The following ATP2A1 variants were observed in gnomAD, a reference collection of about 807,000 sequenced individuals.
The protein encoded by ATP2A1 is sarcoplasmic/endoplasmic reticulum calcium ATPase 1.
ATP2A1 carries 83 observed loss-of-function variants against 109.5 expected under a neutral mutation model. That is an observed-to-expected ratio of 0.76 (90% CI 0.63 to 0.91). The LOEUF is 0.91. Among genes scored for constraint, ATP2A1 ranks in the 40% least tolerant of loss-of-function variants. The probability of loss-of-function intolerance (pLI) is 0.00; values close to 1 mark genes in which losing one functional copy is unlikely to be tolerated. For missense variants in ATP2A1, 1,101 were observed against 1,341.0 expected, an observed-to-expected ratio of 0.82 and a Z score of 2.80; for synonymous variants, 505 against 537.6, an observed-to-expected ratio of 0.94 and a Z score of 0.84.
Position 28,880,747 on chromosome 16 carries a change from G to A in ATP2A1, c.220-168G>A, listed in dbSNP as rs1407172310. Among the ~76,000 whole-genome samples the A allele has an allele frequency of 6.6e-6, 1 of 152,242 alleles. No homozygotes were observed. The highest frequency in any genetic ancestry group is 2.4e-5 in the African/African-American group (1 of 41,460). On this transcript the variant is annotated intron_variant, in intron 3 of 22. Transcript: ENST00000395503. This position sits in a 1 kb window ranked among gnomAD's most constrained non-coding sequence, Gnocchi z 4.2. ...GGCGGTGGCAGGACCTGCAGTGGAT[G>A]GACAGACCCTCAGACGGATGTGGGG...
chr16:28,902,418 C>T lies in ATP2A1; in HGVS notation c.2524+32C>T. On this transcript the variant is annotated intron_variant, in intron 17 of 22. Coordinates refer to ENST00000395503, the MANE Select transcript of ATP2A1 (RefSeq NM_004320.6). The surrounding 1 kb of genome is among the most constrained non-coding windows in gnomAD (Gnocchi z 4.8). ...TGGAGGGGTTCCTCGATCCTCCCCA[C>T]CCCTTGGGACTAACCCCCTCTCTGG... The T allele has an allele frequency of 6.2e-7, 1 of 1,609,478 alleles. No homozygotes were observed. Among genetic ancestry groups the T allele is most frequent in the Non-Finnish European group, 8.5e-7 (1 of 1,176,634 alleles).
chr16:28,903,863 C>A lies in ATP2A1; in HGVS notation c.*37+122C>A. The A allele has an allele frequency of 2.1e-6, 2 of 953,538 alleles. No individual in the cohort carries two copies. Among genetic ancestry groups the A allele is most frequent in the Non-Finnish European group, 1.7e-6 (1 of 597,376 alleles). The allele number at this position is 953,538 out of a possible 1,614,324, so 59.1% of individuals were successfully genotyped here. A position where few individuals can be genotyped will look rare whatever the true frequency, so the allele number is the denominator to read the frequency against. On this transcript the variant is annotated intron_variant, in intron 22 of 22. Coordinates refer to ENST00000395503, the MANE Select transcript of ATP2A1 (RefSeq NM_004320.6). This position sits in a 1 kb window ranked among gnomAD's most constrained non-coding sequence, Gnocchi z 5.6. ...GCAGCTCCACCTGGAGCCGTTGCCA[C>A]TGCTGCTGCTGCGCTTCCAGTCAGG...
chr16:28,879,095 G>T lies in ATP2A1; in HGVS notation c.119-4G>T. On this transcript the variant is annotated splice_polypyrimidine_tract_variant and splice_region_variant and intron_variant, in intron 1 of 22. Coordinates refer to ENST00000395503, the MANE Select transcript of ATP2A1 (RefSeq NM_004320.6). ...TCTGTCCTTTTCTTCTTTTTCCTGG[G>T]TAGAGCTCCCTGCTGAGGAAGGTAA... is the stretch of plus-strand genomic sequence containing the variant. The T allele has an allele frequency of 6.2e-7, 1 of 1,614,038 alleles. No individual in the cohort carries two copies. Among genetic ancestry groups the T allele is most frequent in the Non-Finnish European group, 8.5e-7 (1 of 1,179,984 alleles).
intron 7 of ATP2A1, 53 bp downstream of exon 7, chr16:28,887,327 T>C (rs546548161): frequency 8.7e-6 from 14 of 1,611,258 alleles, no homozygotes; most frequent in Non-Finnish European, 1.1e-5. Context: ...GGTGCCCGGG[T>C]TGGAGAGAAA....
At position 28,880,809 on chromosome 16, in the gene ATP2A1, C is replaced by T. The variant is rs1567478853; in HGVS notation, c.220-106C>T. The T allele has an allele frequency of 8.9e-7, 1 of 1,127,118 alleles. No individual in the cohort carries two copies. Among genetic ancestry groups the T allele is most frequent in the Non-Finnish European group, 1.3e-6 (1 of 743,174 alleles). The allele number at this position is 1,127,118 out of a possible 1,614,324, so 69.8% of individuals were successfully genotyped here. ...CGACGGTGCCCGGCCCTCCTGCTGG[C>T]TCCTGCACTCTCCTGCACAGTTCTC... On this transcript the variant is annotated intron_variant, in intron 3 of 22. Coordinates refer to ENST00000395503, the MANE Select transcript of ATP2A1 (RefSeq NM_004320.6). The surrounding 1 kb of genome is among the most constrained non-coding windows in gnomAD (Gnocchi z 4.2).
In ATP2A1 at chr16:28,903,072, G is replaced by A. The variant is rs1410478970; in HGVS notation, c.2787G>A (p.Val929=). ...NQSLLRMPPW[V]NIWLLGSICL... The stretch of plus-strand genomic sequence containing the variant: ...CCCTGCTGCGGATGCCACCCTGGGT[G>A]AACATCTGGCTGCTGGGCTCCATCT... Residue 929 remains valine (V), a synonymous_variant, in exon 20 of 23, where the codon GTG becomes GTA. Transcript: ENST00000395503. The surrounding 1 kb of genome is among the most constrained non-coding windows in gnomAD (Gnocchi z 5.6). 3 of 1,613,670 alleles carry A rather than the reference G, an allele frequency of 1.9e-6. No homozygotes were observed. Among genetic ancestry groups the A allele is most frequent in the East Asian group, 2.2e-5 (1 of 44,880 alleles).
intron 3 of ATP2A1, 111 bp downstream of exon 3, chr16:28,879,694 G>T (rs1201963068): frequency 4.2e-5 from 53 of 1,272,670 alleles, no homozygotes; most frequent in Non-Finnish European, 5.9e-5. Context: ...GCATCCCATT[G>T]TACAGACGGG....
intron 5 of ATP2A1, among the ~76,000 whole-genome samples, chr16:28,884,357 C>T (rs1304309157): frequency 2.0e-5 from 3 of 152,164 alleles, no homozygotes; most frequent in Admixed American, 6.5e-5. Context: ...GAGCGAGACT[C>T]CATCTCGCCG....
intron 14 of ATP2A1, among the ~76,000 whole-genome samples, chr16:28,899,938 G>A (rs1028636012): frequency 1.3e-5 from 2 of 150,130 alleles, no homozygotes; most frequent in African/African-American, 4.9e-5. Flanking sequence ...GCACTCCAGC[G>A]TGGGTGACAG....
chr16:28,893,235 A>AG lies in ATP2A1; in HGVS notation c.1096-920_1096-919insG, dbSNP rs1354213959. On this transcript the variant is annotated intron_variant, in intron 9 of 22. Transcript: ENST00000395503. The stretch of plus-strand genomic sequence containing the variant: ...CCAATTTCTACCAAAAAAAAAAAAA[A>AG]AGAGAGAGAGAGAGAGCAAGAGAGA... 5.0e-3 allele frequency among the ~76,000 whole-genome samples: 747 copies of AG among 148,928 alleles called. 6 individuals are homozygous for AG. The highest frequency in any genetic ancestry group is 0.021 in the Middle Eastern group (6 of 286).
chr16:28,880,793 C>T lies in ATP2A1; in HGVS notation c.220-122C>T. ...TGGGGCCACAGCGCCCCGACGGTGC[C>T]CGGCCCTCCTGCTGGCTCCTGCACT... is the stretch of plus-strand genomic sequence containing the variant. On this transcript the variant is annotated intron_variant, in intron 3 of 22. Coordinates refer to ENST00000395503, the MANE Select transcript of ATP2A1 (RefSeq NM_004320.6). The surrounding 1 kb of genome is among the most constrained non-coding windows in gnomAD (Gnocchi z 4.2). 1 of 968,030 alleles carries T rather than the reference C, an allele frequency of 1.0e-6. No individual in the cohort carries two copies. The highest frequency in any genetic ancestry group is 1.6e-6 in the Non-Finnish European group (1 of 606,126). 60.0% of individuals were successfully genotyped at this position (968,030 alleles called of 1,614,324 possible).
chr16:28,878,865 C>G (rs1437213566), intron 1 of ATP2A1, 76 bp downstream of exon 1: 5 of 1,486,404 alleles, frequency 3.4e-6, no homozygotes, highest in Admixed American at 3.3e-5. Context: ...CGCATGCACG[C>G]GTTTCTCCCT....
Position 28,902,330 on chromosome 16 carries a change from G to T in ATP2A1, c.2468G>T (p.Ser823Ile). The T allele has an allele frequency of 1.2e-6, 2 of 1,614,014 alleles. No homozygotes were observed. Among genetic ancestry groups the T allele is most frequent in the Non-Finnish European group, 1.7e-6 (2 of 1,179,978 alleles). ...DLDIMDRPPR[S>I]PKEPLISGWL... ...GACATCATGGACCGCCCCCCCCGGA[G>T]CCCCAAGGAGCCCCTCATCAGTGGC... Residue 823 changes from serine (S) to isoleucine (I), a missense_variant, in exon 17 of 23, where the codon AGC becomes ATC. Ser to Ile is a moderately radical substitution (Grantham distance 142, BLOSUM62 -2). Transcript: ENST00000395503. This position sits in a 1 kb window ranked among gnomAD's most constrained non-coding sequence, Gnocchi z 4.8.
In ATP2A1 at chr16:28,902,999, T is replaced by G. The variant is rs1250872652; in HGVS notation, c.2745-31T>G. 2 of 1,612,928 alleles carry G rather than the reference T, an allele frequency of 1.2e-6. No individual in the cohort carries two copies. The highest frequency in any genetic ancestry group is 2.7e-5 in the African/African-American group (2 of 74,706). ...TGCCGCCCACCTCCTTCCTCCTCAC[T>G]GTGCCTTCTCCCTCCCCTTCCCCTC... On this transcript the variant is annotated intron_variant, in intron 19 of 22. Transcript: ENST00000395503. The surrounding 1 kb of genome is among the most constrained non-coding windows in gnomAD (Gnocchi z 4.8).
intron 14 of ATP2A1, among the ~76,000 whole-genome samples, chr16:28,899,088 A>G (rs1963994262): frequency 6.6e-6 from 1 of 152,246 alleles, no homozygotes; most frequent in Non-Finnish European, 1.5e-5. Context: ...AAGGTGAGCC[A>G]CTTGAACCAG....
Position 28,898,510 on chromosome 16 carries a change from T to C in ATP2A1, c.1764+59T>C. On this transcript the variant is annotated intron_variant, in intron 14 of 22. Transcript: ENST00000395503. This position sits in a 1 kb window ranked among gnomAD's most constrained non-coding sequence, Gnocchi z 4.0. ...CTGGTGAAGGGCCGGGTCCCAGCCA[T>C]CCACTCACAGCTCCACCACCCGGAT... 6.5e-7 allele frequency: 1 copy of C among 1,545,762 alleles called. No homozygotes were observed. Among genetic ancestry groups the C allele is most frequent in the Admixed American group, 1.9e-5 (1 of 53,134 alleles).
In ATP2A1 at chr16:28,880,977, C is replaced by T; in HGVS notation, c.282C>T (p.Ile94=). ...TITAFVEPFV[I]LLILIANAIV... ...CTGCCTTTGTTGAACCCTTTGTCAT[C>T]CTCTTGATCCTCATTGCCAATGCCA... is the stretch of plus-strand genomic sequence containing the variant. Residue 94 remains isoleucine, a synonymous_variant, in exon 4 of 23, where the codon ATC becomes ATT. Transcript: ENST00000395503. This position sits in a 1 kb window ranked among gnomAD's most constrained non-coding sequence, Gnocchi z 4.2. 2 of 1,614,194 alleles carry T rather than the reference C, an allele frequency of 1.2e-6. No individual in the cohort carries two copies. The highest frequency in any genetic ancestry group is 1.7e-6 in the Non-Finnish European group (2 of 1,180,030).
rs568186038 is a variant in ATP2A1, at chr16:28,879,692, T to C, written c.219+109T>C. Reference sequence around the variant, plus strand: ...TCCCGTCCGAGTCCCGAGCATCCCATTGTACAGACGGGGCGGGCTGGCGCG... The same window carrying C: ...TCCCGTCCGAGTCCCGAGCATCCCACTGTACAGACGGGGCGGGCTGGCGCG... On this transcript the variant is annotated intron_variant, in intron 3 of 22. Coordinates refer to ENST00000395503, the MANE Select transcript of ATP2A1 (RefSeq NM_004320.6). 31 of 1,289,850 alleles carry C rather than the reference T, an allele frequency of 2.4e-5. 1 individual carries two copies. The African/African-American group carries it at 2.5e-4, about 10-fold the overall frequency. The allele number at this position is 1,289,850 out of a possible 1,614,324, so 79.9% of individuals were successfully genotyped here. A position where few individuals can be genotyped will look rare whatever the true frequency, so the allele number is the denominator to read the frequency against.
chr16:28,879,950 G>A (rs1168578261), intron 3 of ATP2A1: 2 of 990,794 alleles, frequency 2.0e-6, no homozygotes, highest in Non-Finnish European at 2.4e-6. Flanking sequence ...CCGGGCGGAC[G>A]GCCGCTCCAC....
Sources: gnomAD v4.1 joint callset for allele counts (sites outside exome capture counted in the v4.1 genomes callset) on GRCh38, gnomAD v4.1.1 for gene constraint, Gnocchi (gnomAD v3.1) non-coding constraint, MANE v1.5 for transcripts, NCBI Gene and HGNC (gene_info 2026-07-23, HGNC 2026-07-21) for gene names.